The following IFT74 variants were observed in gnomAD, a reference collection of about 807,000 sequenced individuals.
IFT74 encodes the protein intraflagellar transport 74, also known as intraflagellar transport protein 74 homolog.
Under a neutral mutation model 96.7 loss-of-function variants are expected in IFT74, and 92 were observed. The observed-to-expected ratio is 0.95, with a 90% CI of 0.80 to 1.13. The LOEUF (loss-of-function observed/expected upper bound fraction) is 1.13. IFT74 is among the 50% of genes most tolerant of loss of function. IFT74 has a pLI of 0.00. For synonymous variants in IFT74, 223 were observed against 213.2 expected (o/e 1.05, Z -0.40); for missense variants, 811 against 698.2 (o/e 1.16, Z -1.82).
At chr9:27,008,838 T>G (rs532293133) in intron 8 of IFT74, among the ~76,000 whole-genome samples, 182 bp from the exon 9 acceptor site, 3 of 152,306 alleles carry the variant, frequency 2.0e-5, no homozygotes, top group African/African-American at 7.2e-5. Flanking sequence ...TTTGTGCTAA[T>G]GGGGCCAAAT....
intron 2 of IFT74, among the ~76,000 whole-genome samples, chr9:26,964,915 C>T (rs1012146600): frequency 1.3e-5 from 2 of 152,000 alleles, no homozygotes; most frequent in African/African-American, 4.8e-5. Context: ...AAGAGAAACA[C>T]ATCATATGAG....
chr9:27,023,863 C>T (rs1233233316), intron 12 of IFT74, among the ~76,000 whole-genome samples: 3 of 152,184 alleles, frequency 2.0e-5, no homozygotes, highest in Admixed American at 6.5e-5. Flanking sequence ...AACCCTGCCC[C>T]GACCTGATGG....
rs12004404 is a variant in IFT74 at position 26,984,279 on chromosome 9, A to G, written c.328A>G (p.Thr110Ala). The G allele has an allele frequency of 0.038, 59,393 of 1,564,136 alleles. 1,326 individuals are homozygous for G. Among genetic ancestry groups the G allele is most frequent in the Non-Finnish European group, 0.041 (46,861 of 1,151,678 alleles). The change falls in exon 5 of 20, where the codon ACT (threonine) becomes GCT (alanine). Residue 110 changes from threonine (T) to alanine (A), a missense_variant. By Grantham distance (58) the Thr-to-Ala change is moderately conservative. Transcript: ENST00000380062. ...LLRSKISELTTEVNKLQKGIE... is the reference protein window; with the variant it reads ...LLRSKISELTAEVNKLQKGIE... ...TAGAAGTAAAATAAGTGAACTTACAACTGAAGTTAATAAACTTCAGAAGGG... is the reference window on the plus strand; with the variant it reads ...TAGAAGTAAAATAAGTGAACTTACAGCTGAAGTTAATAAACTTCAGAAGGG...
chr9:27,019,609 G>T (rs1027281810), intron 12 of IFT74, among the ~76,000 whole-genome samples: 7 of 150,826 alleles, frequency 4.6e-5, no homozygotes, highest in African/African-American at 1.7e-4. Flanking sequence ...TACATGCTTA[G>T]TATTTTATTA....
At chr9:26,978,625 GA>G in intron 3 of IFT74, among the ~76,000 whole-genome samples, 1 of 152,234 alleles carries the variant, frequency 6.6e-6, no homozygotes, top group African/African-American at 2.4e-5. Context: ...TAGTCTTGGA[GA>G]AAAGTTCAAG....
At chr9:27,036,750 G>T (rs1161163937) in intron 13 of IFT74, 9 of 1,196,986 alleles carry the variant, frequency 7.5e-6, no homozygotes, top group African/African-American at 4.7e-5. Context: ...AAGAGAGAGC[G>T]TAAAGTGCTG....
intron 18 of IFT74, among the ~76,000 whole-genome samples, chr9:27,059,290 T>C (rs1370132416): frequency 1.3e-5 from 2 of 152,208 alleles, no homozygotes; most frequent in African/African-American, 2.4e-5. Context: ...GCTTTTGGCA[T>C]CTCTAAAGAA....
At chr9:27,038,997 C>A (rs956332355) in intron 13 of IFT74, among the ~76,000 whole-genome samples, 1 of 152,182 alleles carries the variant, frequency 6.6e-6, no homozygotes, top group African/African-American at 2.4e-5. Context: ...CTTGAAGATT[C>A]TTCCAGCATA....
intron 13 of IFT74, among the ~76,000 whole-genome samples, chr9:27,030,112 T>C (rs888131673): frequency 1.1e-4 from 17 of 152,108 alleles, no homozygotes; most frequent in Non-Finnish European, 2.4e-4. Context: ...ATAAGAAAGA[T>C]AAAAGTAGAT....
chr9:27,020,516 C>T (rs1466897817), intron 12 of IFT74, among the ~76,000 whole-genome samples: 1 of 149,358 alleles, frequency 6.7e-6, no homozygotes, highest in Non-Finnish European at 1.5e-5. Context: ...CCTCTGTTGC[C>T]CAGGCTGGGG....
At chr9:27,032,259 A>C (rs1453002268) in intron 13 of IFT74, among the ~76,000 whole-genome samples, 1 of 152,066 alleles carries the variant, frequency 6.6e-6, no homozygotes, top group Admixed American at 6.5e-5. Context: ...CCAAAATGTT[A>C]TTGCTGTTGT....
chr9:26,986,099 A>G (rs1480677259), intron 6 of IFT74, among the ~76,000 whole-genome samples: 1 of 152,158 alleles, frequency 6.6e-6, no homozygotes, highest in Non-Finnish European at 1.5e-5. Context: ...TCTGGATTTA[A>G]TGAAAAAGTC....
intron 1 of IFT74, among the ~76,000 whole-genome samples, chr9:26,951,264 G>A (rs1489099563): frequency 6.6e-6 from 1 of 152,208 alleles, no homozygotes; most frequent in Non-Finnish European, 1.5e-5. Flanking sequence ...GAATGAAGTT[G>A]GGGTCAATAT....
At chr9:26,968,553 C>T (rs573755018) in intron 2 of IFT74, among the ~76,000 whole-genome samples, 1 of 152,302 alleles carries the variant, frequency 6.6e-6, no homozygotes, top group East Asian at 1.9e-4. Context: ...AGCCACCTCG[C>T]CCAGCCGGGA....
chr9:27,026,591 A>G (rs1313604281), intron 12 of IFT74, among the ~76,000 whole-genome samples: 1 of 152,222 alleles, frequency 6.6e-6, no homozygotes, highest in East Asian at 1.9e-4. Flanking sequence ...ACAAGTCTCA[A>G]TAAATTTAAG....
intron 16 of IFT74, 29 bp downstream of exon 16, chr9:27,048,303 C>CTT (rs200951698): frequency 9.6e-6 from 14 of 1,457,060 alleles, no homozygotes; most frequent in East Asian, 2.4e-5. Flanking sequence ...TTTTAATATT[C>CTT]TTTTTTTTTA....
intron 1 of IFT74, among the ~76,000 whole-genome samples, chr9:26,950,944 T>A (rs7020010): frequency 0.16 from 23,930 of 152,282 alleles, 2,869 homozygotes; most frequent in East Asian, 0.68. Flanking sequence ...AAAAATAATT[T>A]TAATGTTTTT....
intron 9 of IFT74, among the ~76,000 whole-genome samples, chr9:27,011,679 G>A (rs1403714990): frequency 6.8e-6 from 1 of 147,362 alleles, no homozygotes; most frequent in Non-Finnish European, 1.5e-5. Flanking sequence ...CACACAGCAA[G>A]TTTTTAAGAA....
At chr9:27,042,958 A>T (rs567947394) in intron 13 of IFT74, among the ~76,000 whole-genome samples, 5 of 152,322 alleles carry the variant, frequency 3.3e-5, no homozygotes, top group South Asian at 4.1e-4. Flanking sequence ...ATGTGTGTAT[A>T]TATATAAACA....
Sources: allele counts gnomAD v4.1 joint callset (sites outside exome capture counted in the v4.1 genomes callset), GRCh38; gene constraint gnomAD v4.1.1; transcripts MANE v1.5; gene names NCBI Gene and HGNC (gene_info 2026-07-23, HGNC 2026-07-21).